Variants in ATXN10 observed in about 807,000 individuals in gnomAD.
ATXN10 encodes the protein ataxin 10.
ATXN10 carries 28 observed loss-of-function variants against 52.9 expected under a neutral mutation model. That is an observed-to-expected ratio of 0.53 (90% CI 0.39 to 0.73). The LOEUF is 0.73. Among genes scored for constraint, ATXN10 ranks in the 30% least tolerant of loss-of-function variants. ATXN10 has a pLI of 0.00. For missense variants in ATXN10, 565 were observed against 577.0 expected (o/e 0.98, Z 0.21); for synonymous variants, 226 against 221.5 (o/e 1.02, Z -0.18).
chr22:45,740,032 TAAA>T (rs950470911), intron 8 of ATXN10, among the ~76,000 whole-genome samples: 2 of 152,214 alleles, frequency 1.3e-5, no homozygotes, highest in African/African-American at 2.4e-5. Flanking sequence ...AGTTCTTTCA[TAAA>T]GAAGTTGAGA....
intron 9 of ATXN10, among the ~76,000 whole-genome samples, chr22:45,742,221 A>G (rs1925563880): frequency 6.6e-6 from 1 of 152,168 alleles, no homozygotes; most frequent in African/African-American, 2.4e-5. Flanking sequence ...GAGGAATATA[A>G]TATAATCCAG....
At chr22:45,703,485 C>CT (rs932247232) in intron 5 of ATXN10, among the ~76,000 whole-genome samples, 3 of 152,194 alleles carry the variant, frequency 2.0e-5, no homozygotes, top group South Asian at 4.1e-4. Context: ...TGTTTGAATA[C>CT]TTTTTTTCAG....
At chr22:45,815,364 G>C (rs1928424679) in intron 10 of ATXN10, among the ~76,000 whole-genome samples, 1 of 152,154 alleles carries the variant, frequency 6.6e-6, no homozygotes, top group South Asian at 2.1e-4. Context: ...GGAGGATGCT[G>C]GACATGTTTT....
chr22:45,722,617 A>G (rs938715361), intron 6 of ATXN10, among the ~76,000 whole-genome samples: 1 of 152,192 alleles, frequency 6.6e-6, no homozygotes, highest in South Asian at 2.1e-4. Flanking sequence ...AAGTTGAGCC[A>G]GAGGAGGCTG....
rs1926225483 is a variant in ATXN10 at position 45,757,691 on chromosome 22, T to C, written c.1173+17153T>C. Among the ~76,000 whole-genome samples, 1 of 152,226 alleles carries C rather than the reference T, an allele frequency of 6.6e-6. No individual in the cohort carries two copies. Among genetic ancestry groups the C allele is most frequent in the Non-Finnish European group, 1.5e-5 (1 of 68,040 alleles). On this transcript the variant is annotated intron_variant, in intron 9 of 11. Transcript: ENST00000252934. The surrounding 1 kb of genome is among the most constrained non-coding windows in gnomAD (Gnocchi z 4.6). ...ACATACACATAGGATTCAATACATT[T>C]TTCATATGCTGACCTTATAAGTCAT...
At chr22:45,741,679 G>A (rs1437229131) in intron 9 of ATXN10, among the ~76,000 whole-genome samples, 3 of 151,576 alleles carry the variant, frequency 2.0e-5, no homozygotes, top group Middle Eastern at 3.4e-3. Context: ...ATGAGAAAAA[G>A]TAAAAAATAG....
At chr22:45,673,757 A>G (rs1458968181) in intron 1 of ATXN10, 1 of 152,170 alleles carries the variant, frequency 6.6e-6, no homozygotes, top group Non-Finnish European at 1.5e-5. Flanking sequence ...GAGCCAGGAG[A>G]GGCTTTTTAA....
rs1219409406 is a variant in ATXN10, at chr22:45,681,856, T to C, written c.117-7856T>C. ...CATCCCATCTCCCTCATCCTCACTC[T>C]CAGCTCTCTGAAAATAGGAGCAACT... On this transcript the variant is annotated intron_variant, in intron 1 of 11. Coordinates refer to ENST00000252934, the MANE Select transcript of ATXN10 (RefSeq NM_013236.4). The surrounding 1 kb of genome is among the most constrained non-coding windows in gnomAD (Gnocchi z 4.2). Among the ~76,000 whole-genome samples the C allele has an allele frequency of 1.3e-5, 2 of 152,162 alleles. No individual in the cohort carries two copies. Among genetic ancestry groups the C allele is most frequent in the African/African-American group, 2.4e-5 (1 of 41,430 alleles).
Position 45,780,205 on chromosome 22 carries a change from T to C in ATXN10, c.1174-26754T>C, listed in dbSNP as rs1008136631. Among the ~76,000 whole-genome samples, 3 of 152,074 alleles carry C rather than the reference T, an allele frequency of 2.0e-5. No homozygotes were observed. The highest frequency in any genetic ancestry group is 2.0e-4 in the Admixed American group (3 of 15,270). ...TTCAAGCGATTACCCTGCTTCAGCCTCCTGAGTAGCTGGGATTACAGGCGT... is the reference window on the plus strand; with the variant it reads ...TTCAAGCGATTACCCTGCTTCAGCCCCCTGAGTAGCTGGGATTACAGGCGT... On this transcript the variant is annotated intron_variant, in intron 9 of 11. Coordinates refer to ENST00000252934, the MANE Select transcript of ATXN10 (RefSeq NM_013236.4). The surrounding 1 kb of genome is among the most constrained non-coding windows in gnomAD (Gnocchi z 4.0).
At chr22:45,808,936 T>C (rs1314416113) in intron 10 of ATXN10, among the ~76,000 whole-genome samples, 2 of 152,232 alleles carry the variant, frequency 1.3e-5, no homozygotes, top group East Asian at 3.8e-4. Context: ...TAAGAAAAGA[T>C]AAAATATCAC....
At chr22:45,722,944 C>T (rs1924715054) in intron 6 of ATXN10, among the ~76,000 whole-genome samples, 2 of 152,060 alleles carry the variant, frequency 1.3e-5, no homozygotes, top group Admixed American at 6.6e-5. Context: ...TTATTTTCTT[C>T]TATTTCATTA....
rs1333098172 is a variant in ATXN10 at position 45,677,585 on chromosome 22, T to A, written c.116+5406T>A. On this transcript the variant is annotated intron_variant, in intron 1 of 11. Coordinates refer to ENST00000252934, the MANE Select transcript of ATXN10 (RefSeq NM_013236.4). The surrounding 1 kb of genome is among the most constrained non-coding windows in gnomAD (Gnocchi z 4.1). ...TTTAAAATATATATGATAAAGAAGT[T>A]GTTTCAGAATATATGAAGTACTCCT... 4.6e-5 allele frequency: 7 copies of A among 150,642 alleles called. No individual in the cohort carries two copies. Among genetic ancestry groups the A allele is most frequent in the Non-Finnish European group, 8.8e-5 (6 of 67,830 alleles). 9.3% of individuals were successfully genotyped at this position (150,642 alleles called of 1,614,324 possible). A position where few individuals can be genotyped will look rare whatever the true frequency, so the allele number is the denominator to read the frequency against.
chr22:45,843,663 C>T lies in ATXN10; in HGVS notation c.1426-6C>T. 6.2e-7 allele frequency: 1 copy of T among 1,612,058 alleles called. No homozygotes were observed. On this transcript the variant is annotated splice_polypyrimidine_tract_variant and splice_region_variant and intron_variant, in intron 11 of 11. Coordinates refer to ENST00000252934, the MANE Select transcript of ATXN10 (RefSeq NM_013236.4). This position sits in a 1 kb window ranked among gnomAD's most constrained non-coding sequence, Gnocchi z 4.5. ...TCTGCAATTTTGTTTCTTTCTTCTT[C>T]TTTAGTGAATGAACTACATCCAAAT... is the stretch of plus-strand genomic sequence containing the variant.
At chr22:45,808,255 A>G (rs1268420119) in intron 10 of ATXN10, among the ~76,000 whole-genome samples, 4 of 152,214 alleles carry the variant, frequency 2.6e-5, no homozygotes, top group Non-Finnish European at 4.4e-5. Flanking sequence ...AGTCATGGGA[A>G]AGCAGTACGA....
At chr22:45,717,913 CTCT>C (rs1924506802) in intron 5 of ATXN10, among the ~76,000 whole-genome samples, 1 of 152,126 alleles carries the variant, frequency 6.6e-6, no homozygotes, top group Admixed American at 6.6e-5. Context: ...ATAAGTTGAT[CTCT>C]TAAGTTTAGA....
chr22:45,833,893 G>A lies in ATXN10; in HGVS notation c.1238-9098G>A, dbSNP rs140186935. Among the ~76,000 whole-genome samples the A allele has an allele frequency of 1.3e-3, 191 of 152,278 alleles. 1 individual carries two copies. Among genetic ancestry groups the A allele is most frequent in the African/African-American group, 4.2e-3 (175 of 41,534 alleles). ...CGCGATCAGGGGAGCGGATGCCAGA[G>A]CCTGACTGCCTACTTCCAAATCCAC... On this transcript the variant is annotated intron_variant, in intron 10 of 11. Transcript: ENST00000252934. This position sits in a 1 kb window ranked among gnomAD's most constrained non-coding sequence, Gnocchi z 4.3.
In ATXN10 at chr22:45,752,772, C is replaced by G. The variant is rs189173974; in HGVS notation, c.1173+12234C>G. ...TTTTTTTTTGAGACGGAGTTTTGCT[C>G]TTGTTGCCAAGGCTGGAGTGCAATG... On this transcript the variant is annotated intron_variant, in intron 9 of 11. Transcript: ENST00000252934. Among the ~76,000 whole-genome samples the G allele has an allele frequency of 5.7e-3, 853 of 150,514 alleles. 14 individuals carry two copies. The highest frequency in any genetic ancestry group is 0.02 in the African/African-American group (824 of 40,966).
At position 45,766,389 on chromosome 22, in the gene ATXN10, A is replaced by G. The variant is rs2146835566; in HGVS notation, c.1173+25851A>G. On this transcript the variant is annotated intron_variant, in intron 9 of 11. Transcript: ENST00000252934. This position sits in a 1 kb window ranked among gnomAD's most constrained non-coding sequence, Gnocchi z 4.6. ...TCTAATGCCTAATGATCTGAGGTGG[A>G]ACAGTTTCATCCTGAAGTCTTCCCC... 6.6e-6 allele frequency among the ~76,000 whole-genome samples: 1 copy of G among 152,314 alleles called. No homozygotes were observed. Among genetic ancestry groups the G allele is most frequent in the African/African-American group, 2.4e-5 (1 of 41,570 alleles).
rs1276862625 is a variant in ATXN10, at chr22:45,774,930, ACT to A, written c.1174-32026_1174-32025del. On this transcript the variant is annotated intron_variant, in intron 9 of 11. Transcript: ENST00000252934. This position sits in a 1 kb window ranked among gnomAD's most constrained non-coding sequence, Gnocchi z 6.2. ...ACGCCAGCCTGGGTGACAGAGTGAG[ACT>A]CTGTCTCAAAACAAACAAATAAATA... 6.6e-6 allele frequency among the ~76,000 whole-genome samples: 1 copy of A among 151,906 alleles called. No individual in the cohort carries two copies. Among genetic ancestry groups the A allele is most frequent in the Non-Finnish European group, 1.5e-5 (1 of 68,008 alleles).
Sources: gnomAD v4.1 joint callset for allele counts (sites outside exome capture counted in the v4.1 genomes callset) on GRCh38, gnomAD v4.1.1 for gene constraint, Gnocchi (gnomAD v3.1) non-coding constraint, MANE v1.5 for transcripts, NCBI Gene and HGNC (gene_info 2026-07-23, HGNC 2026-07-21) for gene names.